The following TRIM4 variants were observed in gnomAD, a reference collection of about 807,000 sequenced individuals.
The protein encoded by TRIM4 is E3 ubiquitin-protein ligase TRIM4.
In TRIM4, 29 loss-of-function variants were observed where a neutral mutation model predicts 33.7. The observed-to-expected ratio is 0.86, with a 90% CI of 0.64 to 1.17. The LOEUF (loss-of-function observed/expected upper bound fraction) is 1.17, where lower values mean the gene tolerates loss of function less well. Ranked by LOEUF, TRIM4 falls within the 50% of genes most tolerant of loss-of-function variation. The probability of loss-of-function intolerance (pLI) is 0.00; values close to 1 mark genes in which losing one functional copy is unlikely to be tolerated. For missense variants in TRIM4, 554 were observed against 593.7 expected (o/e 0.93, Z 0.69); for synonymous variants, 224 against 233.0 (o/e 0.96, Z 0.35).
At chr7:99,899,685 CAATT>C (rs1438211253) in intron 5 of TRIM4, among the ~76,000 whole-genome samples, 1 of 152,126 alleles carries the variant, frequency 6.6e-6, no homozygotes, top group Admixed American at 6.5e-5. Flanking sequence ...TTGAAATAGT[CAATT>C]ATTAGGGTTC....
rs760515312 is a variant in TRIM4 at position 99,892,274 on chromosome 7, G to A, written c.1314C>T (p.Asp438=). The part of the protein sequence containing the change: ...TGNVSFYSAV[D]GVHLHTFSCS... ...AAGAAAAGGTGTGCAGGTGCACTCC[G>A]TCCACAGCGCTGTAGAAGGAGACAT... Residue 438 remains aspartate (D), a synonymous_variant, in exon 6 of 6, where the codon GAC becomes GAT. Transcript: ENST00000349062. 3.0e-5 allele frequency: 49 copies of A among 1,614,058 alleles called. No individual in the cohort carries two copies. Among genetic ancestry groups the A allele is most frequent in the Middle Eastern group, 1.6e-4 (1 of 6,084 alleles).
intron 1 of TRIM4, among the ~76,000 whole-genome samples, chr7:99,913,381 T>C (rs970832032): frequency 6.6e-6 from 1 of 152,072 alleles, no homozygotes; most frequent in Admixed American, 6.6e-5. Flanking sequence ...TAAAAATCAC[T>C]CTCTCAGCTA....
At chr7:99,903,685 G>C in intron 3 of TRIM4, 87 bp from the exon 4 acceptor site, 2 of 1,501,098 alleles carry the variant, frequency 1.3e-6, no homozygotes, top group Non-Finnish European at 1.9e-6. Context: ...TTTTCTGACG[G>C]TTGCATTTGC....
chr7:99,912,779 G>C (rs1286774189), intron 1 of TRIM4, among the ~76,000 whole-genome samples: 1 of 152,114 alleles, frequency 6.6e-6, no homozygotes, highest in Non-Finnish European at 1.5e-5. Flanking sequence ...AATTTTCATG[G>C]TAAAATGAAA....
chr7:99,913,930 G>A (rs1317317480), intron 1 of TRIM4, among the ~76,000 whole-genome samples: 1 of 152,092 alleles, frequency 6.6e-6, no homozygotes, highest in Non-Finnish European at 1.5e-5. Context: ...CCTGGATCAA[G>A]GCTTCCTTAA....
At chr7:99,909,133 G>GGGGTGTGT (rs1554452958) in intron 2 of TRIM4, among the ~76,000 whole-genome samples, 63 of 148,512 alleles carry the variant, frequency 4.2e-4, no homozygotes, top group East Asian at 1.0e-3. Flanking sequence ...GGAGTGTGAG[G>GGGGTGTGT]GTGTGTGTGT....
intron 1 of TRIM4, chr7:99,916,905 CT>C: frequency 1.5e-6 from 1 of 681,722 alleles, no homozygotes; most frequent in Non-Finnish European, 2.7e-6. Context: ...AAGGCCCTGC[CT>C]TTTTCTTCAA....
At chr7:99,916,064 GA>G in intron 1 of TRIM4, among the ~76,000 whole-genome samples, 1 of 152,282 alleles carries the variant, frequency 6.6e-6, no homozygotes, top group South Asian at 2.1e-4. Flanking sequence ...ATTACAGTAT[GA>G]AAAATGCTTA....
rs201126235 is a variant in TRIM4, at chr7:99,892,516, C to G, written c.1072G>C (p.Val358Leu). Reference sequence around the variant, plus strand: ...ACCTCCAGACTATCTCTACTCTCAACTTCCCAGTAATGTTTCCCTGAGGTG... The same window carrying G: ...ACCTCCAGACTATCTCTACTCTCAAGTTCCCAGTAATGTTTCCCTGAGGTG... ...VFTSGKHYWE[V>L]ESRDSLEVAV... is the part of the protein sequence containing the mutation. The change falls in exon 6 of 6, where the codon GTT (valine) becomes CTT (leucine). Residue 358 changes from valine to leucine, a missense_variant. By Grantham distance (32) the Val-to-Leu change is conservative (BLOSUM62 1). Coordinates refer to ENST00000349062, the MANE Select transcript of TRIM4 (RefSeq NM_033091.3). 72 of 1,614,120 alleles carry G rather than the reference C, an allele frequency of 4.5e-5. No homozygotes were observed. The highest frequency in any genetic ancestry group is 3.3e-5 in the Admixed American group (2 of 60,012).
At chr7:99,897,692 A>C (rs972258804) in intron 5 of TRIM4, among the ~76,000 whole-genome samples, 2 of 152,216 alleles carry the variant, frequency 1.3e-5, no homozygotes, top group Admixed American at 1.3e-4. Flanking sequence ...TGTATTTCCA[A>C]AATAATGAAT....
chr7:99,903,185 T>C (rs1326754564), intron 5 of TRIM4, 33 bp downstream of exon 5: 1 of 1,517,952 alleles, frequency 6.6e-7, no homozygotes, highest in Non-Finnish European at 9.0e-7. Flanking sequence ...GAAAGATTTC[T>C]AAGGAGCCCC....
In TRIM4 at chr7:99,908,673, G is replaced by A. The variant is rs543581335; in HGVS notation, c.629C>T (p.Thr210Met). The A allele has an allele frequency of 1.9e-5, 30 of 1,614,094 alleles. No homozygotes were observed. Among genetic ancestry groups the A allele is most frequent in the Non-Finnish European group, 2.2e-5 (26 of 1,180,020 alleles). ...AGCGATAGTTTGATTGAGTTTTAAC[G>A]TGTTCTCATTCAGCTTCTTCTTCGT... is the stretch of plus-strand genomic sequence containing the variant. ...EETKKKLNENTLKLNQTIASL... is the reference protein window; with the variant it reads ...EETKKKLNENMLKLNQTIASL... Residue 210 changes from threonine to methionine, a missense_variant, in exon 3 of 6, where the codon ACG (threonine) becomes ATG (methionine). Transcript: ENST00000349062.
chr7:99,901,875 T>C, intron 5 of TRIM4: 2 of 521,886 alleles, frequency 3.8e-6, no homozygotes, highest in Non-Finnish European at 6.7e-6. Flanking sequence ...GTTCTCTCTG[T>C]GTCCGGCTCT....
chr7:99,903,689 C>T (rs1483024439), intron 3 of TRIM4, 91 bp from the exon 4 acceptor site: 5 of 1,471,838 alleles, frequency 3.4e-6, no homozygotes, highest in Non-Finnish European at 4.7e-6. Context: ...CTGACGGTTG[C>T]ATTTGCTCAT....
intron 1 of TRIM4, among the ~76,000 whole-genome samples, chr7:99,915,156 T>C (rs1819527246): frequency 6.6e-6 from 1 of 152,126 alleles, no homozygotes; most frequent in Non-Finnish European, 1.5e-5. Flanking sequence ...TCACCATCTG[T>C]GATTATTTCA....
intron 5 of TRIM4, among the ~76,000 whole-genome samples, chr7:99,894,673 A>C (rs2572007): frequency 0.58 from 77,972 of 134,252 alleles, 21,714 homozygotes; most frequent in African/African-American, 0.76. Context: ...TCCCCCCCCC[A>C]AAAAAAAAAA....
intron 5 of TRIM4, chr7:99,901,126 T>C (rs1819157112): frequency 6.6e-6 from 1 of 152,222 alleles, no homozygotes; most frequent in African/African-American, 2.4e-5. Flanking sequence ...CTCTTTGTGT[T>C]TTTGTAAATT....
rs1819371866 is a variant in TRIM4 at position 99,908,937 on chromosome 7, C to G, written c.490-125G>C. 11 of 820,690 alleles carry G rather than the reference C, an allele frequency of 1.3e-5. 1 individual carries two copies. In the South Asian group the frequency reaches 2.0e-4, roughly 15 times the overall value. The allele number at this position is 820,690 out of a possible 1,614,324, so 50.8% of individuals were successfully genotyped here. ...ACCCTCTTGAAAAGCTCCTGCCCAC[C>G]CCCACTAAAATTTCCATTACTCCTT... On this transcript the variant is annotated intron_variant, in intron 2 of 5. Transcript: ENST00000349062.
chr7:99,892,133 G>C lies in TRIM4; in HGVS notation c.*30C>G. 1 of 1,562,354 alleles carries C rather than the reference G, an allele frequency of 6.4e-7. No homozygotes were observed. The highest frequency in any genetic ancestry group is 8.7e-7 in the Non-Finnish European group (1 of 1,153,750). On this transcript the variant is annotated 3_prime_UTR_variant, in exon 6 of 6. Transcript: ENST00000349062. ...GTGTGTCCCTCAGCTGGACTACAGGGAAGGAGTTTTGGTCAGGGGAAGAAA... is the reference window on the plus strand; with the variant it reads ...GTGTGTCCCTCAGCTGGACTACAGGCAAGGAGTTTTGGTCAGGGGAAGAAA...
Sources: gnomAD v4.1 joint callset for allele counts (sites outside exome capture counted in the v4.1 genomes callset) on GRCh38, gnomAD v4.1.1 for gene constraint, MANE v1.5 for transcripts, NCBI Gene and HGNC (gene_info 2026-07-23, HGNC 2026-07-21) for gene names.